Variants in SENP7 observed in about 807,000 individuals in gnomAD.
SENP7 encodes the protein sentrin-specific protease 7.
A neutral mutation model predicts 141.2 loss-of-function variants in SENP7; 64 were observed. That is an observed-to-expected ratio of 0.45 (90% confidence interval 0.37 to 0.56). The LOEUF (loss-of-function observed/expected upper bound fraction) is 0.56. SENP7 is among the 20% of genes least tolerant of loss of function. SENP7 has a pLI of 0.00. For missense variants in SENP7, 1,025 were observed against 1,212.2 expected (o/e 0.85, Z 2.29); for synonymous variants, 382 against 426.4 (o/e 0.90, Z 1.28).
At chr3:101,407,458 T>C (rs1390594940) in intron 5 of SENP7, among the ~76,000 whole-genome samples, 1 of 152,136 alleles carries the variant, frequency 6.6e-6, no homozygotes, top group Non-Finnish European at 1.5e-5. Context: ...ATACAGAACA[T>C]TCCATCCAAC....
intron 1 of SENP7, among the ~76,000 whole-genome samples, chr3:101,507,078 A>G (rs1343787586): frequency 6.6e-6 from 1 of 151,692 alleles, no homozygotes; most frequent in Non-Finnish European, 1.5e-5. Flanking sequence ...AAAAAAAAAA[A>G]AGAGCTGGGC....
rs1260414910 is a variant in SENP7 at position 101,325,413 on chromosome 3, A to G, written c.*530T>C. 2 of 152,574 alleles carry G rather than the reference A, an allele frequency of 1.3e-5. No homozygotes were observed. Among genetic ancestry groups the G allele is most frequent in the African/African-American group, 4.8e-5 (2 of 41,452 alleles). 9.5% of individuals were successfully genotyped at this position (152,574 alleles called of 1,614,324 possible). On this transcript the variant is annotated 3_prime_UTR_variant, in exon 24 of 24. Coordinates refer to ENST00000394095, the MANE Select transcript of SENP7 (RefSeq NM_020654.5). ...TTATGAATGTCTTTTTGTTACATACAGAAGGGATGCCGTAAATGGCATTTT... is the reference window on the plus strand; with the variant it reads ...TTATGAATGTCTTTTTGTTACATACGGAAGGGATGCCGTAAATGGCATTTT...
At chr3:101,397,543 G>T (rs2061004971) in intron 6 of SENP7, among the ~76,000 whole-genome samples, 2 of 152,150 alleles carry the variant, frequency 1.3e-5, no homozygotes, top group South Asian at 4.1e-4. Context: ...AACTTAGCAA[G>T]AGACCTAATA....
At chr3:101,402,712 C>T (rs1173526981) in intron 5 of SENP7, among the ~76,000 whole-genome samples, 1 of 151,114 alleles carries the variant, frequency 6.6e-6, no homozygotes, top group African/African-American at 2.4e-5. Flanking sequence ...CATCTGTTTA[C>T]AGCGTGGATC....
intron 7 of SENP7, 93 bp downstream of exon 7, chr3:101,371,915 A>C: frequency 4.4e-6 from 2 of 458,250 alleles, no homozygotes; most frequent in Non-Finnish European, 7.2e-6. Flanking sequence ...ATATCCTTTC[A>C]AAGTAAAATA....
At chr3:101,386,716 A>G (rs2060662488) in intron 6 of SENP7, among the ~76,000 whole-genome samples, 1 of 152,216 alleles carries the variant, frequency 6.6e-6, no homozygotes, top group African/African-American at 2.4e-5. Context: ...GGTTGCCCCC[A>G]GGACAAAAGG....
At chr3:101,433,262 T>G (rs905758779) in intron 4 of SENP7, among the ~76,000 whole-genome samples, 3 of 131,766 alleles carry the variant, frequency 2.3e-5, no homozygotes, top group Non-Finnish European at 3.3e-5. Context: ...ATACAATGGA[T>G]ACACAAAAAA....
rs1472758084 is a variant in SENP7, at chr3:101,324,536, T to C, written c.*1407A>G. 2 of 152,068 alleles carry C rather than the reference T, an allele frequency of 1.3e-5. No individual in the cohort carries two copies. The highest frequency in any genetic ancestry group is 1.9e-4 in the East Asian group (1 of 5,198). 9.4% of individuals were successfully genotyped at this position (152,068 alleles called of 1,614,324 possible). ...AAATTGGGAATGAAATATGTAATTATAGCCATCTTTATATGAAATATCCAA... is the reference window on the plus strand; with the variant it reads ...AAATTGGGAATGAAATATGTAATTACAGCCATCTTTATATGAAATATCCAA... On this transcript the variant is annotated 3_prime_UTR_variant, in exon 24 of 24. Transcript: ENST00000394095.
At chr3:101,476,970 T>C (rs2064244588) in intron 3 of SENP7, among the ~76,000 whole-genome samples, 1 of 152,222 alleles carries the variant, frequency 6.6e-6, no homozygotes, top group South Asian at 2.1e-4. Context: ...TGTAAATTTG[T>C]TTAAGTTCCT....
intron 3 of SENP7, among the ~76,000 whole-genome samples, chr3:101,471,507 C>T (rs563666247): frequency 4.5e-4 from 69 of 152,096 alleles, no homozygotes; most frequent in Non-Finnish European, 7.9e-4. Context: ...TAATTCAAGA[C>T]GGATTAAAGA....
chr3:101,365,029 T>TTTA (rs1389103228), intron 9 of SENP7, 38 bp from the exon 10 acceptor site: 1 of 1,247,172 alleles, frequency 8.0e-7, no homozygotes, highest in Non-Finnish European at 1.1e-6. Flanking sequence ...TGTTTATTTA[T>TTTA]TTATTTATTT....
intron 5 of SENP7, among the ~76,000 whole-genome samples, chr3:101,405,148 C>A (rs1214833332): frequency 1.3e-5 from 2 of 152,072 alleles, no homozygotes; most frequent in African/African-American, 4.8e-5. Flanking sequence ...CCTAAGAGGA[C>A]CCACACACCT....
chr3:101,493,798 A>G (rs2065055392), intron 3 of SENP7, 75 bp downstream of exon 3: 1 of 866,178 alleles, frequency 1.2e-6, no homozygotes, highest in African/African-American at 1.7e-5. Flanking sequence ...GAAAATAAAC[A>G]TTCAGTTTTA....
intron 6 of SENP7, among the ~76,000 whole-genome samples, chr3:101,385,613 C>T (rs1051314978): frequency 2.0e-5 from 3 of 152,292 alleles, no homozygotes; most frequent in Admixed American, 6.5e-5. Context: ...AAGACAATTG[C>T]ACTACCATCC....
At chr3:101,416,137 G>A (rs1188990515) in intron 5 of SENP7, among the ~76,000 whole-genome samples, 1 of 152,116 alleles carries the variant, frequency 6.6e-6, no homozygotes. Context: ...TAGGACACCT[G>A]GAGCTGAGGA....
chr3:101,406,430 T>C (rs2061307594), intron 5 of SENP7, among the ~76,000 whole-genome samples: 1 of 148,952 alleles, frequency 6.7e-6, no homozygotes, highest in African/African-American at 2.5e-5. Context: ...CCAGGGCCTG[T>C]TGTGGAGTGG....
Position 101,418,079 on chromosome 3 carries a change from A to G in SENP7, c.285-289T>C, listed in dbSNP as rs563164898. ...TGGCAATGCATTCATGTTTATTAAC[A>G]ATGTTAGTTGAAGGACAGTGTTCAT... On this transcript the variant is annotated intron_variant, in intron 4 of 23. Transcript: ENST00000394095. Among the ~76,000 whole-genome samples the G allele has an allele frequency of 9.8e-5, 15 of 152,288 alleles. No individual in the cohort carries two copies. In the South Asian group the frequency reaches 2.7e-3, roughly 27 times the overall value.
chr3:101,447,086 A>G (rs930158323), intron 4 of SENP7, among the ~76,000 whole-genome samples: 6 of 152,230 alleles, frequency 3.9e-5, no homozygotes, highest in Non-Finnish European at 8.8e-5. Flanking sequence ...ACAAAGGATC[A>G]TTAGACACTA....
At chr3:101,368,725 G>C (rs560791317) in intron 7 of SENP7, among the ~76,000 whole-genome samples, 3 of 152,008 alleles carry the variant, frequency 2.0e-5, no homozygotes, top group Admixed American at 6.5e-5. Context: ...AGGACTTAAA[G>C]TATAATAATA....
Sources: gnomAD v4.1 joint callset for allele counts (sites outside exome capture counted in the v4.1 genomes callset) on GRCh38, gnomAD v4.1.1 for gene constraint, MANE v1.5 for transcripts, NCBI Gene and HGNC (gene_info 2026-07-23, HGNC 2026-07-21) for gene names.